Variants in ABTB3 observed in about 807,000 individuals in gnomAD.
ABTB3 encodes ankyrin repeat- and BTB/POZ domain-containing protein 3.
chr12:107,579,457 T>C, the ABTB3 span, among the ~76,000 whole-genome samples: 1 of 152,196 alleles, frequency 6.6e-6, no homozygotes, highest in Non-Finnish European at 1.5e-5. Context: ...ATTCTCCTGA[T>C]CAATGAAATG....
chr12:107,485,681 T>G, the ABTB3 span, among the ~76,000 whole-genome samples: 2 of 152,210 alleles, frequency 1.3e-5, no homozygotes, highest in Admixed American at 1.3e-4. Context: ...GGATCATTGT[T>G]TTTTGATTTC....
the ABTB3 span, among the ~76,000 whole-genome samples, chr12:107,566,648 TAC>T: frequency 0.016 from 2,164 of 136,088 alleles, 12 homozygotes; most frequent in Non-Finnish European, 0.018. Context: ...CTAATTTAAA[TAC>T]ACACACACAC....
At chr12:107,449,670 A>AGATG in the ABTB3 span, among the ~76,000 whole-genome samples, 4 of 151,840 alleles carry the variant, frequency 2.6e-5, no homozygotes, top group Admixed American at 2.6e-4. Context: ...TTTTTTTAAG[A>AGATG]GATGGGGTCT....
the ABTB3 span, among the ~76,000 whole-genome samples, chr12:107,363,123 T>C: frequency 1.3e-5 from 2 of 152,232 alleles, no homozygotes; most frequent in Non-Finnish European, 2.9e-5. Context: ...TTCCAGCTTG[T>C]CATTGTCCCC....
chr12:107,381,621 T>C, the ABTB3 span, among the ~76,000 whole-genome samples: 1 of 152,160 alleles, frequency 6.6e-6, no homozygotes, highest in African/African-American at 2.4e-5. Context: ...GGAAAGGAGA[T>C]TAGATCTGTT....
chr12:107,335,277 A>G, the ABTB3 span, among the ~76,000 whole-genome samples: 1 of 115,104 alleles, frequency 8.7e-6, no homozygotes, highest in Admixed American at 1.1e-4. Flanking sequence ...ACAGATCAAG[A>G]CCTTGTCTCA....
At chr12:107,615,171 G>T in the ABTB3 span, 12 of 1,601,636 alleles carry the variant, frequency 7.5e-6, no homozygotes, top group East Asian at 2.2e-4. Flanking sequence ...AGGTATTAAC[G>T]TATTTCCCTA....
the ABTB3 span, among the ~76,000 whole-genome samples, chr12:107,335,273 C>T: frequency 1.3e-5 from 1 of 77,474 alleles, no homozygotes; most frequent in African/African-American, 4.4e-5. Flanking sequence ...GGTGACAGAT[C>T]AAGACCTTGT....
At chr12:107,454,535 C>T in the ABTB3 span, among the ~76,000 whole-genome samples, 1 of 152,304 alleles carries the variant, frequency 6.6e-6, no homozygotes, top group Non-Finnish European at 1.5e-5. Context: ...TCAGCAGGGA[C>T]AGGCTGTGTG....
chr12:107,451,772 T>G, the ABTB3 span, among the ~76,000 whole-genome samples: 1 of 152,166 alleles, frequency 6.6e-6, no homozygotes, highest in African/African-American at 2.4e-5. Context: ...TTCTCCCCTT[T>G]CTGTTTAACT....
chr12:107,581,323 G>T, the ABTB3 span: 2 of 1,313,040 alleles, frequency 1.5e-6, no homozygotes, highest in South Asian at 1.9e-5. Flanking sequence ...GGGGGCGGGC[G>T]GGGGGCGGCA....
At chr12:107,604,504 G>A in the ABTB3 span, among the ~76,000 whole-genome samples, 3 of 152,136 alleles carry the variant, frequency 2.0e-5, no homozygotes, top group African/African-American at 7.2e-5. Context: ...TGGCCAACAG[G>A]TATATGAAAA....
chr12:107,515,939 G>A, the ABTB3 span, among the ~76,000 whole-genome samples: 1 of 151,984 alleles, frequency 6.6e-6, no homozygotes, highest in Non-Finnish European at 1.5e-5. Context: ...GAAGAGAAGT[G>A]AAAAGGAAAA....
chr12:107,555,248 A>AC, the ABTB3 span, among the ~76,000 whole-genome samples: 11 of 152,182 alleles, frequency 7.2e-5, no homozygotes, highest in Non-Finnish European at 1.6e-4. Context: ...CTCCCTGGGG[A>AC]CAGCATCAGG....
chr12:107,432,397 G>A, the ABTB3 span, among the ~76,000 whole-genome samples: 577 of 152,318 alleles, frequency 3.8e-3, 7 homozygotes, highest in African/African-American at 0.013. Flanking sequence ...AGTGAGACAG[G>A]CCTGTCAGCT....
At chr12:107,495,629 G>A in the ABTB3 span, among the ~76,000 whole-genome samples, 2 of 152,178 alleles carry the variant, frequency 1.3e-5, no homozygotes, top group East Asian at 3.8e-4. Flanking sequence ...ACCTCTCAGG[G>A]CCTGCCCTCC....
the ABTB3 span, among the ~76,000 whole-genome samples, chr12:107,440,923 C>G: frequency 0.026 from 3,918 of 152,284 alleles, 80 homozygotes; most frequent in African/African-American, 0.039. Flanking sequence ...AGCGTTTCTC[C>G]CATTTTATAG....
the ABTB3 span, among the ~76,000 whole-genome samples, chr12:107,528,942 G>T: frequency 6.6e-6 from 1 of 151,846 alleles, no homozygotes; most frequent in African/African-American, 2.4e-5. Context: ...TGATGGAGAT[G>T]ATGATGGTAG....
chr12:107,323,003 A>G, the ABTB3 span, among the ~76,000 whole-genome samples: 1 of 152,202 alleles, frequency 6.6e-6, no homozygotes, highest in South Asian at 2.1e-4. Context: ...GCTAAGCCTA[A>G]GAGAGGCCCT....
Sources: allele counts gnomAD v4.1 joint callset (sites outside exome capture counted in the v4.1 genomes callset), GRCh38; gene constraint gnomAD v4.1.1; transcripts MANE v1.5; gene names NCBI Gene and HGNC (gene_info 2026-07-23, HGNC 2026-07-21).